The following ADARB2 variants were observed in gnomAD, a reference collection of about 807,000 sequenced individuals.
ADARB2 encodes the protein adenosine deaminase RNA specific B2 (inactive), also known as inactive double-stranded RNA-specific editase B2.
In ADARB2, 25 loss-of-function variants were observed where a neutral mutation model predicts 62.2. The ratio of observed to expected loss-of-function variants is 0.40; its 90% CI spans 0.29 to 0.56. The LOEUF is 0.56. Ranked by LOEUF, ADARB2 falls within the 20% of genes least tolerant of loss-of-function variation. ADARB2 has a pLI of 0.43. For synonymous variants in ADARB2, 572 were observed against 500.8 expected, an observed-to-expected ratio of 1.14 and a Z score of -1.90; for missense variants, 1,071 against 1,077.4, an observed-to-expected ratio of 0.99 and a Z score of 0.08.
rs1831861501 is a variant in ADARB2 at position 1,326,985 on chromosome 10, GCC to G, written c.1077+36041_1077+36042del. ...CCCCACGGCCCAGCGCCTCCCCACG[GCC>G]CAGCGCCTCCCCACTGCCCAGCGCC... On this transcript the variant is annotated intron_variant, in intron 3 of 9. Transcript: ENST00000381312. 2.0e-4 allele frequency among the ~76,000 whole-genome samples: 10 copies of G among 49,662 alleles called. 3 individuals are homozygous for G. Among genetic ancestry groups the G allele is most frequent in the East Asian group, 9.9e-4 (2 of 2,012 alleles). The allele number at this position is 49,662 out of a possible 152,430, so 32.6% of individuals were successfully genotyped here. A position where few individuals can be genotyped will look rare whatever the true frequency, so the allele number is the denominator to read the frequency against.
chr10:1,499,412 C>T (rs546963959), intron 1 of ADARB2, among the ~76,000 whole-genome samples: 168 of 152,054 alleles, frequency 1.1e-3, no homozygotes, highest in African/African-American at 4.0e-3. Context: ...TCATTCATCA[C>T]TCACTCAACA....
intron 1 of ADARB2, among the ~76,000 whole-genome samples, chr10:1,429,577 A>G (rs1830758460): frequency 6.6e-6 from 1 of 152,222 alleles, no homozygotes; most frequent in South Asian, 2.1e-4. Flanking sequence ...ACACACATGA[A>G]GCCTGTCTTT....
intron 1 of ADARB2, among the ~76,000 whole-genome samples, chr10:1,564,468 C>G (rs1301093795): frequency 1.3e-5 from 2 of 152,088 alleles, no homozygotes; most frequent in Non-Finnish European, 2.9e-5. Context: ...TCAGAGTGAA[C>G]AGGCAACCTA....
At chr10:1,425,792 A>C (rs1832889114) in intron 1 of ADARB2, among the ~76,000 whole-genome samples, 1 of 152,184 alleles carries the variant, frequency 6.6e-6, no homozygotes, top group Non-Finnish European at 1.5e-5. Flanking sequence ...ATTGAGCTGG[A>C]TCTATTTTAA....
chr10:1,475,477 G>C (rs969874230), intron 1 of ADARB2, among the ~76,000 whole-genome samples: 1 of 152,330 alleles, frequency 6.6e-6, no homozygotes, highest in Admixed American at 6.5e-5. Context: ...GACAGCAGGG[G>C]AGGGGCCTGG....
chr10:1,653,085 G>T (rs543166759), intron 1 of ADARB2, among the ~76,000 whole-genome samples: 2 of 152,282 alleles, frequency 1.3e-5, no homozygotes, highest in South Asian at 4.1e-4. Flanking sequence ...CCTGCAAAAG[G>T]GTGGCTGATC....
At chr10:1,313,341 G>T (rs982601835) in intron 3 of ADARB2, among the ~76,000 whole-genome samples, 11 of 152,344 alleles carry the variant, frequency 7.2e-5, no homozygotes, top group African/African-American at 2.6e-4. Flanking sequence ...CACAGCCAGG[G>T]GTGTCCTGCT....
chr10:1,672,710 G>GCCTGCCTCCTCCACGCACCGCAAGGCT (rs1564364111), intron 1 of ADARB2, among the ~76,000 whole-genome samples: 10 of 86,894 alleles, frequency 1.2e-4, no homozygotes, highest in South Asian at 3.6e-4. Flanking sequence ...CAGGCCCCCC[G>GCCTGCCTCCTCCACGCACCGCAAGGCT]CCTGCCTCCT....
intron 1 of ADARB2, among the ~76,000 whole-genome samples, chr10:1,557,434 G>T (rs992524953): frequency 6.6e-6 from 1 of 152,102 alleles, no homozygotes; most frequent in Non-Finnish European, 1.5e-5. Context: ...CCTAAAATTC[G>T]CAGCCACGGT....
At chr10:1,283,779 AAG>A (rs1831389837) in intron 3 of ADARB2, among the ~76,000 whole-genome samples, 1 of 152,162 alleles carries the variant, frequency 6.6e-6, no homozygotes, top group Non-Finnish European at 1.5e-5. Context: ...TTGCAGGAGG[AAG>A]AGGCCACTTC....
chr10:1,255,832 C>T lies in ADARB2; in HGVS notation c.1193-13533G>A, dbSNP rs1831074844. ...TGGTGGGTCAAACACACTATAGCCC[C>T]ATCAGCGGGCAGGACAAGTTGGGCC... On this transcript the variant is annotated intron_variant, in intron 4 of 9. Transcript: ENST00000381312. This position sits in a 1 kb window ranked among gnomAD's most constrained non-coding sequence, Gnocchi z 4.7. Among the ~76,000 whole-genome samples the T allele has an allele frequency of 6.6e-6, 1 of 152,186 alleles. No individual in the cohort carries two copies. Among genetic ancestry groups the T allele is most frequent in the Non-Finnish European group, 1.5e-5 (1 of 68,032 alleles).
chr10:1,504,630 T>A lies in ADARB2; in HGVS notation c.101-125470A>T, dbSNP rs547481135. Among the ~76,000 whole-genome samples, 3 of 152,198 alleles carry A rather than the reference T, an allele frequency of 2.0e-5. No individual in the cohort carries two copies. In the East Asian group the frequency reaches 5.8e-4, roughly 29 times the overall value. On this transcript the variant is annotated intron_variant, in intron 1 of 9. Transcript: ENST00000381312. ...TGGACTGCTTGGCTGACTACACGGGTCAGTTGCTGCAAAAAGCCAGTCTGC... is the reference window on the plus strand; with the variant it reads ...TGGACTGCTTGGCTGACTACACGGGACAGTTGCTGCAAAAAGCCAGTCTGC...
intron 4 of ADARB2, among the ~76,000 whole-genome samples, chr10:1,252,141 C>T (rs1831042640): frequency 6.6e-6 from 1 of 152,120 alleles, no homozygotes; most frequent in African/African-American, 2.4e-5. Context: ...CAGCCTGTTC[C>T]AATGTTTTAA....
chr10:1,699,403 C>A (rs375465545), intron 1 of ADARB2, among the ~76,000 whole-genome samples: 1 of 8,746 alleles, frequency 1.1e-4, no homozygotes, highest in African/African-American at 3.1e-4. Context: ...ACCAGGCGCT[C>A]GCCAATACAC....
chr10:1,284,888 C>T (rs1831399366), intron 3 of ADARB2, among the ~76,000 whole-genome samples: 1 of 152,064 alleles, frequency 6.6e-6, no homozygotes, highest in Non-Finnish European at 1.5e-5. Context: ...CATGGTCTGG[C>T]CCACCTTCAG....
intron 8 of ADARB2, among the ~76,000 whole-genome samples, chr10:1,192,240 C>T (rs1836854029): frequency 6.6e-6 from 1 of 152,218 alleles, no homozygotes; most frequent in South Asian, 2.1e-4. Context: ...AAGTCTGTGT[C>T]ACTGGGTAGC....
chr10:1,231,832 A>T (rs1265277994), intron 6 of ADARB2, among the ~76,000 whole-genome samples: 1 of 152,160 alleles, frequency 6.6e-6, no homozygotes, highest in African/African-American at 2.4e-5. Flanking sequence ...CGCAAAAAGG[A>T]GGAGGAATGT....
At chr10:1,603,273 G>C (rs1462467208) in intron 1 of ADARB2, among the ~76,000 whole-genome samples, 1 of 152,204 alleles carries the variant, frequency 6.6e-6, no homozygotes, top group Non-Finnish European at 1.5e-5. Context: ...ATGACAGCAG[G>C]GCTGTGTCAG....
At chr10:1,273,001 G>A (rs1013419672) in intron 3 of ADARB2, among the ~76,000 whole-genome samples, 6 of 152,152 alleles carry the variant, frequency 3.9e-5, no homozygotes, top group Non-Finnish European at 8.8e-5. Context: ...TGCAGTCTCC[G>A]CCTCTATCCC....
Sources: allele counts gnomAD v4.1 joint callset (sites outside exome capture counted in the v4.1 genomes callset), GRCh38; gene constraint gnomAD v4.1.1; non-coding constraint Gnocchi (gnomAD v3.1); transcripts MANE v1.5; gene names NCBI Gene and HGNC (gene_info 2026-07-23, HGNC 2026-07-21).